ATP11C: variants seen among roughly 807,000 people sequenced by gnomAD.
ATP11C encodes phospholipid-transporting ATPase IG.
Under a neutral mutation model 97.4 loss-of-function variants are expected in ATP11C, and 36 were observed. The observed-to-expected ratio is 0.37, with a 90% CI of 0.28 to 0.49. ATP11C has a LOEUF of 0.49. ATP11C is among the 20% of genes least tolerant of loss of function. The pLI is 0.98. For synonymous variants in ATP11C, 275 were observed against 290.9 expected, an observed-to-expected ratio of 0.95 and a Z score of 0.56; for missense variants, 730 against 824.6, an observed-to-expected ratio of 0.89 and a Z score of 1.40.
intron 19 of ATP11C, among the ~76,000 whole-genome samples, chrX:139,773,370 G>C (rs1025085940): frequency 1.8e-5 from 2 of 111,055 alleles, no homozygotes; most frequent in African/African-American, 6.6e-5. Context: ...TGGGATTACT[G>C]CCCTTATAAG....
intron 1 of ATP11C, among the ~76,000 whole-genome samples, chrX:139,920,151 G>C (rs1260205919): frequency 9.1e-6 from 1 of 110,267 alleles, no homozygotes; most frequent in Non-Finnish European, 1.9e-5. Flanking sequence ...CCTGAGGTCA[G>C]TTCAAGACCA....
At position 139,726,785 on chromosome X, in the gene ATP11C, T is replaced by C. The variant is rs983574897; in HGVS notation, c.*2181A>G. On this transcript the variant is annotated 3_prime_UTR_variant, in exon 30 of 30. Transcript: ENST00000682941. The stretch of plus-strand genomic sequence containing the variant: ...TTATAGGTAGATGATCTTATTATAT[T>C]TTTTTCCCTTTCTCTGTCACAAATA... 1.8e-5 allele frequency: 2 copies of C among 111,898 alleles called. No individual in the cohort carries two copies. Among genetic ancestry groups the C allele is most frequent in the African/African-American group, 6.5e-5 (2 of 30,747 alleles). The allele number at this position is 111,898 out of a possible 1,213,427, so 9.2% of individuals were successfully genotyped here.
At chrX:139,762,276 T>A (rs1222282680) in intron 21 of ATP11C, among the ~76,000 whole-genome samples, 170 bp from the exon 22 acceptor site, 1 of 112,265 alleles carries the variant, frequency 8.9e-6, no homozygotes, top group Non-Finnish European at 1.9e-5. Flanking sequence ...ACTTACCAAA[T>A]AATTTAACTA....
chrX:139,761,883 A>AT, intron 22 of ATP11C, 78 bp downstream of exon 22: 4 of 704,816 alleles, frequency 5.7e-6, no homozygotes, highest in East Asian at 7.9e-5. Context: ...AAAAAAAAAA[A>AT]GGAAGAACAA....
chrX:139,821,280 T>C (rs1468632680), intron 2 of ATP11C, among the ~76,000 whole-genome samples: 1 of 112,019 alleles, frequency 8.9e-6, no homozygotes, highest in African/African-American at 3.2e-5. Context: ...TGTGCATCAC[T>C]TGGGAGAAGA....
Position 139,785,259 on chromosome X carries a change from G to A in ATP11C, c.1633C>T (p.Arg545Ter). 8.3e-7 allele frequency: 1 copy of A among 1,208,049 alleles called. No individual in the cohort carries two copies. The highest frequency in any genetic ancestry group is 1.1e-6 in the Non-Finnish European group (1 of 893,433). Residue 545 changes from arginine to a stop codon, truncating the protein, a stop_gained, in exon 16 of 30, where the codon CGA (arginine) becomes TGA (stop). Coordinates refer to ENST00000682941, the MANE Select transcript of ATP11C (RefSeq NM_001353812.2). LOFTEE classifies it high-confidence loss of function. ...GTCTTCACAATTACACTCATACGTCGCCGGACAGCATCAAAGTTTAAGGTG... is the reference window on the plus strand; with the variant it reads ...GTCTTCACAATTACACTCATACGTCACCGGACAGCATCAAAGTTTAAGGTG... ...LHTLNFDAVRRRMSVIVKTQE... is the reference protein window; with the variant it reads ...LHTLNFDAVR
chrX:139,912,738 A>G (rs1409378804), intron 1 of ATP11C, among the ~76,000 whole-genome samples: 1 of 22,780 alleles, frequency 4.4e-5, no homozygotes, highest in Non-Finnish European at 1.1e-4. Flanking sequence ...TTCTGATTTG[A>G]TTACGTATGA....
chrX:139,881,899 C>G (rs1438151407), intron 1 of ATP11C, among the ~76,000 whole-genome samples: 1 of 112,232 alleles, frequency 8.9e-6, no homozygotes, highest in Non-Finnish European at 1.9e-5. Context: ...GAAGACACTC[C>G]TTTCCCCCAC....
At chrX:139,873,928 T>C (rs1048600940) in intron 1 of ATP11C, among the ~76,000 whole-genome samples, 6 of 109,767 alleles carry the variant, frequency 5.5e-5, no homozygotes, top group African/African-American at 1.7e-4. Context: ...CAGGTTCAAG[T>C]AGGTTGTTTG....
chrX:139,746,065 C>T (rs1215050595), intron 24 of ATP11C, among the ~76,000 whole-genome samples: 1 of 111,757 alleles, frequency 8.9e-6, no homozygotes, highest in African/African-American at 3.2e-5. Context: ...AGTAAACTCT[C>T]TAAACTCTTC....
chrX:139,866,919 C>T (rs978859449), intron 1 of ATP11C, among the ~76,000 whole-genome samples: 2 of 110,039 alleles, frequency 1.8e-5, no homozygotes, highest in African/African-American at 6.7e-5. Context: ...CCTGTCTCTA[C>T]AAAAAATACA....
At chrX:139,776,827 G>A (rs753604970) in intron 18 of ATP11C, among the ~76,000 whole-genome samples, 1 of 111,675 alleles carries the variant, frequency 9.0e-6, no homozygotes, top group East Asian at 2.8e-4. Context: ...CCCTGCGGGA[G>A]GCAGTGTGTC....
rs1350894484 is a variant in ATP11C, at chrX:139,826,795, G to C, written c.56C>G (p.Thr19Arg). The C allele has an allele frequency of 1.7e-6, 2 of 1,205,802 alleles. No homozygotes were observed. Among genetic ancestry groups the C allele is most frequent in the Non-Finnish European group, 2.2e-6 (2 of 892,709 alleles). ...FCAGEEKRVGTRTVFVGNHPV... is the reference protein window; with the variant it reads ...FCAGEEKRVGRRTVFVGNHPV... Reference sequence around the variant, plus strand: ...ATGATTGCCAACAAACACTGTGCGTGTGCCAACTCGTTTCTCTTCTCCAGC... The same window carrying C: ...ATGATTGCCAACAAACACTGTGCGTCTGCCAACTCGTTTCTCTTCTCCAGC... Residue 19 changes from threonine to arginine, a missense_variant, in exon 2 of 30, where the codon ACA (threonine) becomes AGA (arginine). Coordinates refer to ENST00000682941, the MANE Select transcript of ATP11C (RefSeq NM_001353812.2).
At chrX:139,755,132 G>A (rs191429613) in intron 23 of ATP11C, among the ~76,000 whole-genome samples, 4 of 111,787 alleles carry the variant, frequency 3.6e-5, no homozygotes, top group East Asian at 2.8e-4. Context: ...TAACTTCAGC[G>A]AAGTTTCAGG....
intron 1 of ATP11C, among the ~76,000 whole-genome samples, chrX:139,828,841 A>G (rs1489256716): frequency 8.9e-6 from 1 of 112,194 alleles, no homozygotes; most frequent in African/African-American, 3.2e-5. Flanking sequence ...ACAGAAATGG[A>G]CTAGTGCTTT....
intron 21 of ATP11C, among the ~76,000 whole-genome samples, chrX:139,762,602 G>A (rs748299982): frequency 9.0e-6 from 1 of 111,326 alleles, no homozygotes; most frequent in South Asian, 3.8e-4. Flanking sequence ...GATAACCAAT[G>A]AGTAGTACTT....
chrX:139,768,209 T>C lies in ATP11C; in HGVS notation c.2391+51A>G, dbSNP rs374301857. The C allele has an allele frequency of 1.1e-3, 931 of 880,715 alleles. 4 individuals are homozygous for C. Among genetic ancestry groups the C allele is most frequent in the Non-Finnish European group, 1.3e-3 (881 of 673,149 alleles). 72.6% of individuals were successfully genotyped at this position (880,715 alleles called of 1,213,427 possible). A position where few individuals can be genotyped will look rare whatever the true frequency, so the allele number is the denominator to read the frequency against. On this transcript the variant is annotated intron_variant, in intron 20 of 29. Coordinates refer to ENST00000682941, the MANE Select transcript of ATP11C (RefSeq NM_001353812.2). ...TTTTAAAAAAATAAACATTTGCACA[T>C]ATATGTATAGAAGTATCCAGAATGG... is the stretch of plus-strand genomic sequence containing the variant.
At chrX:139,775,578 G>C (rs1226748633) in intron 18 of ATP11C, among the ~76,000 whole-genome samples, 1 of 112,698 alleles carries the variant, frequency 8.9e-6, no homozygotes, top group African/African-American at 3.2e-5. Flanking sequence ...GAAGAAGCGA[G>C]AGTCTGGCAG....
chrX:139,906,444 G>GA (rs201565222), intron 1 of ATP11C, among the ~76,000 whole-genome samples: 2 of 100,303 alleles, frequency 2.0e-5, no homozygotes, highest in Admixed American at 1.1e-4. Context: ...AAAAAGTCAA[G>GA]AAAAAATCAG....
Sources: gnomAD v4.1 joint callset for allele counts (sites outside exome capture counted in the v4.1 genomes callset) on GRCh38, gnomAD v4.1.1 for gene constraint, MANE v1.5 for transcripts, NCBI Gene and HGNC (gene_info 2026-07-23, HGNC 2026-07-21) for gene names.